Variants in TCEA1 observed in about 807,000 individuals in gnomAD.
TCEA1 encodes transcription elongation factor A protein 1.
A neutral mutation model predicts 43.8 loss-of-function variants in TCEA1; 21 were observed. The observed-to-expected ratio is 0.48, with a 90% CI of 0.34 to 0.69. The LOEUF (loss-of-function observed/expected upper bound fraction) is 0.69, where lower values mean the gene tolerates loss of function less well. TCEA1 is among the 30% of genes least tolerant of loss of function. The pLI is 0.01. For missense variants in TCEA1, 250 were observed against 365.1 expected (o/e 0.68, Z 2.57); for synonymous variants, 104 against 117.5 (o/e 0.88, Z 0.75).
chr8:53,992,062 A>G (rs1803900873), intron 4 of TCEA1, among the ~76,000 whole-genome samples: 2 of 152,110 alleles, frequency 1.3e-5, no homozygotes, highest in African/African-American at 4.8e-5. Flanking sequence ...CTATAATCCC[A>G]GCACTTTGGG....
Position 54,000,065 on chromosome 8 carries a change from C to A in TCEA1, c.127-15G>T, listed in dbSNP as rs1328682445. The A allele has an allele frequency of 1.4e-6, 2 of 1,457,140 alleles. No homozygotes were observed. The highest frequency in any genetic ancestry group is 2.3e-5 in the Admixed American group (1 of 42,792). The allele number at this position is 1,457,140 out of a possible 1,614,324, so 90.3% of individuals were successfully genotyped here. ...ATTCTTGTGGACTGCAAGGCAATAACAAAAAAATTATGTATACCAATTTTA... is the reference window on the plus strand; with the variant it reads ...ATTCTTGTGGACTGCAAGGCAATAAAAAAAAAATTATGTATACCAATTTTA... On this transcript the variant is annotated splice_polypyrimidine_tract_variant and intron_variant, in intron 2 of 9. Transcript: ENST00000521604.
At chr8:54,012,877 G>A (rs911591097) in intron 1 of TCEA1, among the ~76,000 whole-genome samples, 108 of 145,590 alleles carry the variant, frequency 7.4e-4, no homozygotes, top group African/African-American at 2.6e-3. Flanking sequence ...GAGATTACAT[G>A]AACCATGATC....
chr8:53,998,955 G>A (rs1005633956), intron 3 of TCEA1, among the ~76,000 whole-genome samples: 7 of 152,156 alleles, frequency 4.6e-5, no homozygotes, highest in East Asian at 1.9e-4. Flanking sequence ...GAGGCCAGGC[G>A]AGGTGGCTCA....
rs560208393 is a variant in TCEA1 at position 54,001,649 on chromosome 8, T to C, written c.127-1599A>G. The stretch of plus-strand genomic sequence containing the variant: ...CGTGCAAAAAAATAAAATGGCACTT[T>C]ACTAGGGGCTTGCAGGAGAGCAAAG... On this transcript the variant is annotated intron_variant, in intron 2 of 9. Transcript: ENST00000521604. Among the ~76,000 whole-genome samples, 35 of 152,286 alleles carry C rather than the reference T, an allele frequency of 2.3e-4. No individual in the cohort carries two copies. In the South Asian group the frequency reaches 7.3e-3, roughly 32 times the overall value.
chr8:53,996,242 C>G (rs1563493348), intron 3 of TCEA1, among the ~76,000 whole-genome samples: 1 of 152,254 alleles, frequency 6.6e-6, no homozygotes. Context: ...TTCCTACTAT[C>G]TGATACGGTG....
chr8:54,006,906 T>C (rs916823795), intron 2 of TCEA1, among the ~76,000 whole-genome samples: 2 of 151,832 alleles, frequency 1.3e-5, no homozygotes, highest in African/African-American at 2.4e-5. Flanking sequence ...GGCGCAATCT[T>C]GACTCACTGC....
chr8:53,996,295 A>G (rs1012811102), intron 3 of TCEA1, among the ~76,000 whole-genome samples: 1 of 152,260 alleles, frequency 6.6e-6, no homozygotes, highest in African/African-American at 2.4e-5. Flanking sequence ...GAGGTGCTCC[A>G]GCTCTGGACT....
rs1804837256 is a variant in TCEA1, at chr8:54,016,619, A to G, written c.63+5444T>C. On this transcript the variant is annotated intron_variant, in intron 1 of 9. Coordinates refer to ENST00000521604, the MANE Select transcript of TCEA1 (RefSeq NM_006756.4). ...TTTGGGAGGCTGAAGCGGGTAGATC[A>G]CCTGAGATCAGGAGTTCTAGACCAG... Among the ~76,000 whole-genome samples, 3 of 151,990 alleles carry G rather than the reference A, an allele frequency of 2.0e-5. No individual in the cohort carries two copies. In the South Asian group the frequency reaches 6.2e-4, roughly 32 times the overall value.
rs1187178585 is a variant in TCEA1 at position 53,966,559 on chromosome 8, G to C, written c.*1545C>G. ...AATAAAATGACAAAATGTGATATAT[G>C]TTTAACAACAAAAAAAACTTTATTG... is the stretch of plus-strand genomic sequence containing the variant. On this transcript the variant is annotated 3_prime_UTR_variant, in exon 10 of 10. Transcript: ENST00000521604. 1.1e-5 allele frequency: 2 copies of C among 176,450 alleles called. No individual in the cohort carries two copies. Among genetic ancestry groups the C allele is most frequent in the East Asian group, 2.0e-4 (2 of 10,112 alleles). 10.9% of individuals were successfully genotyped at this position (176,450 alleles called of 1,614,324 possible). A position where few individuals can be genotyped will look rare whatever the true frequency, so the allele number is the denominator to read the frequency against.
chr8:54,011,918 A>G (rs910826108), intron 1 of TCEA1, among the ~76,000 whole-genome samples: 8 of 152,232 alleles, frequency 5.3e-5, no homozygotes, highest in Admixed American at 2.0e-4. Context: ...ACACGTTATT[A>G]TAAGTAATGT....
chr8:53,980,426 A>AAT (rs1282142099), intron 7 of TCEA1, among the ~76,000 whole-genome samples: 16 of 152,208 alleles, frequency 1.1e-4, no homozygotes, highest in African/African-American at 3.9e-4. Flanking sequence ...GTGTTGAGCA[A>AAT]ATCTATTGGC....
intron 3 of TCEA1, among the ~76,000 whole-genome samples, chr8:53,994,256 G>C (rs1485209935): frequency 6.6e-6 from 1 of 151,984 alleles, no homozygotes; most frequent in East Asian, 1.9e-4. Context: ...GAAGTGGGAG[G>C]ATGGCTTTTG....
rs905154703 is a variant in TCEA1, at chr8:53,968,151, T to C, written c.898-39A>G. On this transcript the variant is annotated intron_variant, in intron 9 of 9. Transcript: ENST00000521604. ...AAAAATATTTTGTAAGACCTTTAAA[T>C]ACCAATAAGGTACATTCCCCATTTA... The C allele has an allele frequency of 2.7e-6, 4 of 1,488,298 alleles. No individual in the cohort carries two copies. In the Admixed American group the frequency reaches 5.9e-5, roughly 22 times the overall value. 92.2% of individuals were successfully genotyped at this position (1,488,298 alleles called of 1,614,324 possible).
At chr8:53,974,621 G>A (rs1018770715) in intron 8 of TCEA1, among the ~76,000 whole-genome samples, 6 of 151,984 alleles carry the variant, frequency 3.9e-5, no homozygotes, top group Non-Finnish European at 8.8e-5. Context: ...TCCACTTCCT[G>A]GGTTCAAGCA....
chr8:53,978,260 A>T (rs10093078), intron 8 of TCEA1, among the ~76,000 whole-genome samples: 24,305 of 151,858 alleles, frequency 0.16, 5,397 homozygotes, highest in African/African-American at 0.51. Context: ...AATTTTTTTT[A>T]AAAAAAATCA....
At chr8:53,970,242 T>C (rs2129297688) in intron 9 of TCEA1, 150 bp downstream of exon 9, 2 of 719,716 alleles carry the variant, frequency 2.8e-6, no homozygotes, top group East Asian at 2.5e-5. Flanking sequence ...AGATGGTATA[T>C]TCCATTACAA....
At chr8:53,999,542 G>A (rs1804186241) in intron 3 of TCEA1, 1 of 166,810 alleles carries the variant, frequency 6.0e-6, no homozygotes, top group African/African-American at 2.4e-5. Context: ...AAGAAAAAGA[G>A]AGAATATGAT....
intron 2 of TCEA1, among the ~76,000 whole-genome samples, chr8:54,006,802 C>T (rs1453002930): frequency 1.3e-5 from 2 of 152,176 alleles, no homozygotes; most frequent in African/African-American, 2.4e-5. Flanking sequence ...TACTTCCTTT[C>T]TCTTACTTTC....
At chr8:53,972,638 G>T (rs1187929448) in intron 8 of TCEA1, 12 of 609,472 alleles carry the variant, frequency 2.0e-5, no homozygotes, top group Non-Finnish European at 3.8e-5. Flanking sequence ...GAAAGGAGAG[G>T]GTGAAGGAAG....
Sources: gnomAD v4.1 joint callset for allele counts (sites outside exome capture counted in the v4.1 genomes callset) on GRCh38, gnomAD v4.1.1 for gene constraint, MANE v1.5 for transcripts, NCBI Gene and HGNC (gene_info 2026-07-23, HGNC 2026-07-21) for gene names.